The following HCN2 variants were observed in gnomAD, a reference collection of about 807,000 sequenced individuals.
HCN2 encodes the protein potassium/sodium hyperpolarization-activated cyclic nucleotide-gated channel 2.
In HCN2, 20 loss-of-function variants were observed where a neutral mutation model predicts 52.3. That is an observed-to-expected ratio of 0.38 (90% CI 0.27 to 0.56). The LOEUF (loss-of-function observed/expected upper bound fraction) is 0.56. Ranked by LOEUF, HCN2 falls within the 20% of genes least tolerant of loss-of-function variation. HCN2 has a pLI of 0.71. For missense variants in HCN2, 981 were observed against 1,207.7 expected, an observed-to-expected ratio of 0.81 and a Z score of 2.78; for synonymous variants, 694 against 537.0, an observed-to-expected ratio of 1.29 and a Z score of -4.04.
At chr19:600,505 C>G (rs886840092) in intron 1 of HCN2, among the ~76,000 whole-genome samples, 9 of 151,922 alleles carry the variant, frequency 5.9e-5, no homozygotes, top group Admixed American at 5.3e-4. Context: ...CATGCCCAGC[C>G]AATTTTTTTT....
At chr19:612,547 G>A (rs939465830) in intron 5 of HCN2, among the ~76,000 whole-genome samples, 1 of 152,026 alleles carries the variant, frequency 6.6e-6, no homozygotes, top group Non-Finnish European at 1.5e-5. Context: ...CCGAGTAGCT[G>A]GGATTACAGG....
chr19:596,713 G>C (rs886999452), intron 1 of HCN2, among the ~76,000 whole-genome samples: 1 of 152,194 alleles, frequency 6.6e-6, no homozygotes, highest in Non-Finnish European at 1.5e-5. Flanking sequence ...GTGGCCGGAT[G>C]GGGAAAGGGC....
chr19:616,385 C>G lies in HCN2; in HGVS notation c.2581C>G (p.Pro861Ala). 8.1e-7 allele frequency: 1 copy of G among 1,238,962 alleles called. No individual in the cohort carries two copies. Among genetic ancestry groups the G allele is most frequent in the Non-Finnish European group, 1.0e-6 (1 of 983,434 alleles). 76.7% of individuals were successfully genotyped at this position (1,238,962 alleles called of 1,614,324 possible). A position where few individuals can be genotyped will look rare whatever the true frequency, so the allele number is the denominator to read the frequency against. The change falls in exon 8 of 8, where the codon CCG becomes GCG. Residue 861 changes from proline (P) to alanine (A), a missense_variant. Pro to Ala is a conservative substitution (Grantham distance 27). Transcript: ENST00000251287. ...CGCTGCCCGGGCCGCCGCGCCCAGC[C>G]CGGACCGCAGGGACTCGGCCTCACC... ...TPAARAAAPS[P>A]DRRDSASPGA...
Position 616,967 on chromosome 19 carries a change from G to T in HCN2, c.*493G>T, listed in dbSNP as rs1213539678. On this transcript the variant is annotated 3_prime_UTR_variant, in exon 8 of 8. Transcript: ENST00000251287. The stretch of plus-strand genomic sequence containing the variant: ...CGTCCCCCGGTGACCTCGGGGAGCA[G>T]CACCCCGCCTCCCTCCAGCACTGGC... 1.6e-4 allele frequency: 70 copies of T among 451,324 alleles called. No homozygotes were observed. The highest frequency in any genetic ancestry group is 1.9e-4 in the Non-Finnish European group (47 of 244,828). The allele number at this position is 451,324 out of a possible 1,614,324, so 28.0% of individuals were successfully genotyped here. A position where few individuals can be genotyped will look rare whatever the true frequency, so the allele number is the denominator to read the frequency against.
At position 613,239 on chromosome 19, in the gene HCN2, C is replaced by T. The variant is rs1465534518; in HGVS notation, c.1585-9C>T. The stretch of plus-strand genomic sequence containing the variant: ...CCGCAGCGGACCCAGCCCTGCCTCC[C>T]CCCTGCAGGAGATCGTCAACTTCAA... On this transcript the variant is annotated splice_polypyrimidine_tract_variant and intron_variant, in intron 5 of 7. Transcript: ENST00000251287. The T allele has an allele frequency of 3.7e-6, 6 of 1,608,506 alleles. No individual in the cohort carries two copies. In the East Asian group the frequency reaches 1.1e-4, roughly 30 times the overall value.
At position 611,574 on chromosome 19, in the gene HCN2, G is replaced by A. The variant is rs532965943; in HGVS notation, c.1584+1169G>A. On this transcript the variant is annotated intron_variant, in intron 5 of 7. Coordinates refer to ENST00000251287, the MANE Select transcript of HCN2 (RefSeq NM_001194.4). ...TCCCAGGAGGCACACACTGCGGTTC[G>A]CTTCGCCAAGAATGTTTAATTGCAT... 7.2e-5 allele frequency among the ~76,000 whole-genome samples: 11 copies of A among 152,320 alleles called. No homozygotes were observed. In the East Asian group the frequency reaches 9.6e-4, roughly 13 times the overall value.
At chr19:601,499 G>T (rs1415421036) in intron 1 of HCN2, among the ~76,000 whole-genome samples, 1 of 151,794 alleles carries the variant, frequency 6.6e-6, no homozygotes, top group African/African-American at 2.4e-5. Flanking sequence ...TTGCTACTGT[G>T]GATCGAGCTG....
At chr19:615,563 G>GC (rs1184925940) in intron 7 of HCN2, among the ~76,000 whole-genome samples, 2 of 152,168 alleles carry the variant, frequency 1.3e-5, no homozygotes, top group Non-Finnish European at 2.9e-5. Context: ...GGTGCTTCAT[G>GC]CATGCTGGCT....
chr19:613,741 G>T, intron 6 of HCN2, 111 bp from the exon 7 acceptor site: 1 of 1,136,770 alleles, frequency 8.8e-7, no homozygotes, highest in South Asian at 2.1e-5. Context: ...GGAGAGCCTG[G>T]GTGGGAAGCG....
chr19:612,393 GGT>G (rs140326049), intron 5 of HCN2, among the ~76,000 whole-genome samples: 26,205 of 141,756 alleles, frequency 0.18, 2,415 homozygotes, highest in African/African-American at 0.2. Flanking sequence ...GCTTTCCACT[GGT>G]GTGTGTGTGT....
At chr19:612,915 A>G (rs527705800) in intron 5 of HCN2, among the ~76,000 whole-genome samples, 13 of 151,412 alleles carry the variant, frequency 8.6e-5, no homozygotes, top group African/African-American at 1.7e-4. Context: ...CCTGGGCTCA[A>G]GCGATCCTCC....
chr19:614,027 C>T lies in HCN2; in HGVS notation c.1990+11C>T, dbSNP rs749600366. On this transcript the variant is annotated intron_variant, in intron 7 of 7. Transcript: ENST00000251287. ...GCCTGGACCGCATCGGTGAGCGGGC[C>T]GGGGGCGTGGCCGGGGCGGGTGCCC... 2.0e-5 allele frequency: 19 copies of T among 963,028 alleles called. No homozygotes were observed. The highest frequency in any genetic ancestry group is 2.3e-5 in the Non-Finnish European group (17 of 727,976). 59.7% of individuals were successfully genotyped at this position (963,028 alleles called of 1,614,324 possible).
intron 2 of HCN2, among the ~76,000 whole-genome samples, chr19:604,563 G>A (rs570763437): frequency 2.7e-4 from 37 of 136,142 alleles, no homozygotes; most frequent in Admixed American, 4.6e-4. Flanking sequence ...TCAGGGGCGG[G>A]GCTATGAGGG....
intron 1 of HCN2, among the ~76,000 whole-genome samples, chr19:598,705 C>T (rs1193323914): frequency 2.0e-5 from 3 of 151,890 alleles, no homozygotes; most frequent in Admixed American, 6.6e-5. Context: ...GGGTTCATGC[C>T]GTTCTCCTGC....
chr19:597,332 G>T (rs1394810923), intron 1 of HCN2, among the ~76,000 whole-genome samples: 1 of 152,232 alleles, frequency 6.6e-6, no homozygotes, highest in Admixed American at 6.5e-5. Context: ...ACTTCCATCA[G>T]AGGGGAGGTG....
chr19:613,814 G>A (rs374424400), intron 6 of HCN2, 38 bp from the exon 7 acceptor site: 35 of 1,472,384 alleles, frequency 2.4e-5, no homozygotes, highest in Admixed American at 4.9e-5. Flanking sequence ...CGCGGCGCCC[G>A]CCTCGTCCAG....
chr19:611,401 G>A (rs1378711808), intron 5 of HCN2, among the ~76,000 whole-genome samples: 1 of 152,178 alleles, frequency 6.6e-6, no homozygotes, highest in Non-Finnish European at 1.5e-5. Context: ...GTGTGAGCCA[G>A]GCAGGGTGTC....
At chr19:615,086 G>A (rs1171193124) in intron 7 of HCN2, among the ~76,000 whole-genome samples, 1 of 152,128 alleles carries the variant, frequency 6.6e-6, no homozygotes, top group Non-Finnish European at 1.5e-5. Flanking sequence ...CACAGGCTGT[G>A]TACAGGCAGG....
At position 590,188 on chromosome 19, in the gene HCN2, G is replaced by T. The variant is rs1982823837; in HGVS notation, c.243G>T (p.Ser81=). ...GCCGGCTCCGCAGCCGCGACAGCTC[G>T]TGCGGCCGCCCCGGCACCCCGGGCG... ...PRGRLRSRDS[S]CGRPGTPGAA... The change falls in exon 1 of 8, where the codon TCG becomes TCT. Residue 81 remains serine, a synonymous_variant. Transcript: ENST00000251287. The surrounding 1 kb of genome is among the most constrained non-coding windows in gnomAD (Gnocchi z 7.2). 2 of 981,348 alleles carry T rather than the reference G, an allele frequency of 2.0e-6. No homozygotes were observed. The highest frequency in any genetic ancestry group is 1.8e-5 in the African/African-American group (1 of 55,932). 60.8% of individuals were successfully genotyped at this position (981,348 alleles called of 1,614,324 possible). A position where few individuals can be genotyped will look rare whatever the true frequency, so the allele number is the denominator to read the frequency against.
Sources: allele counts gnomAD v4.1 joint callset (sites outside exome capture counted in the v4.1 genomes callset), GRCh38; gene constraint gnomAD v4.1.1; non-coding constraint Gnocchi (gnomAD v3.1); transcripts MANE v1.5; gene names NCBI Gene and HGNC (gene_info 2026-07-23, HGNC 2026-07-21).